The following LGI1 variants were observed in gnomAD, a reference collection of about 807,000 sequenced individuals.
LGI1 encodes the protein leucine-rich glioma-inactivated protein 1.
A neutral mutation model predicts 57.7 loss-of-function variants in LGI1; 11 were observed. The observed-to-expected ratio is 0.19, with a 90% CI of 0.12 to 0.32. The LOEUF (loss-of-function observed/expected upper bound fraction) is 0.32. Ranked by LOEUF, LGI1 falls within the 10% of genes least tolerant of loss-of-function variation. The pLI is 1.00. For synonymous variants in LGI1, 222 were observed against 241.9 expected (o/e 0.92, Z 0.76); for missense variants, 422 against 661.9 (o/e 0.64, Z 3.98).
intron 4 of LGI1, among the ~76,000 whole-genome samples, chr10:93,782,296 A>C (rs1369559946): frequency 2.0e-5 from 3 of 152,204 alleles, no homozygotes; most frequent in Non-Finnish European, 4.4e-5. Context: ...ATTTAGCTTC[A>C]CTATGCTACA....
chr10:93,777,524 AAAATATTATAACTTATTGCAGATTCATAG>A lies in LGI1; in HGVS notation c.360-18_370del. 6.2e-7 allele frequency: 1 copy of A among 1,612,492 alleles called. No homozygotes were observed. Among genetic ancestry groups the A allele is most frequent in the Non-Finnish European group, 8.5e-7 (1 of 1,178,584 alleles). The stretch of plus-strand genomic sequence containing the variant: ...TCAAGTTCCTGTAACTGTTTGACAA[AAAATATTATAACTTATTGCAGATTCATAG>A]AAAACAACAACATCAAGTCAATTTC... On this transcript the variant is annotated splice_acceptor_variant and splice_polypyrimidine_tract_variant and coding_sequence_variant and intron_variant, in exon 4 of 8. Coordinates refer to ENST00000371418, the MANE Select transcript of LGI1 (RefSeq NM_005097.4). LOFTEE classifies it high-confidence loss of function.
intron 2 of LGI1, chr10:93,765,163 C>G (rs554465563): frequency 3.3e-5 from 5 of 152,150 alleles, no homozygotes; most frequent in Non-Finnish European, 7.4e-5. Flanking sequence ...GGGTTTGAAA[C>G]TCAGTTTGGC....
rs2059804745 is a variant in LGI1, at chr10:93,777,445, G to A, written c.354G>A (p.Glu118=). 1.2e-6 allele frequency: 2 copies of A among 1,613,836 alleles called. No individual in the cohort carries two copies. The highest frequency in any genetic ancestry group is 4.5e-5 in the East Asian group (2 of 44,858). ...DDAFIGLPHL[E]YLFIENNNIK... The stretch of plus-strand genomic sequence containing the variant: ...CTTTTATTGGTCTTCCACATCTAGA[G>A]TATTTGTAAGTAAAAAAGCTTTTTT... The change falls in exon 3 of 8, where the codon GAG becomes GAA. Residue 118 remains glutamate (E), a synonymous_variant. Transcript: ENST00000371418.
chr10:93,773,342 C>G (rs1006266980), intron 2 of LGI1, among the ~76,000 whole-genome samples: 1 of 152,144 alleles, frequency 6.6e-6, no homozygotes, highest in Non-Finnish European at 1.5e-5. Context: ...AGAGGCCACC[C>G]AGTGTGTGGA....
chr10:93,796,302 A>G (rs1158535524), intron 7 of LGI1, among the ~76,000 whole-genome samples: 3 of 152,216 alleles, frequency 2.0e-5, no homozygotes, highest in African/African-American at 7.2e-5. Flanking sequence ...GAAGCAGTTC[A>G]GACTTAGAGC....
At chr10:93,763,824 T>C (rs7099790) in intron 2 of LGI1, 48,181 of 152,042 alleles carry the variant, frequency 0.32, 7,762 homozygotes, top group South Asian at 0.42. Context: ...TCACATTTGG[T>C]CTCCTTGGTT....
intron 2 of LGI1, chr10:93,765,123 A>G (rs1252695206): frequency 6.6e-6 from 1 of 152,224 alleles, no homozygotes; most frequent in Non-Finnish European, 1.5e-5. Flanking sequence ...GTAGCATAGA[A>G]AGAGGCCTAA....
intron 2 of LGI1, among the ~76,000 whole-genome samples, chr10:93,773,253 G>A (rs572909672): frequency 1.2e-4 from 18 of 152,116 alleles, no homozygotes; most frequent in Non-Finnish European, 1.5e-4. Context: ...TCTTAAATCC[G>A]TATGAGCTGA....
intron 2 of LGI1, among the ~76,000 whole-genome samples, chr10:93,766,280 G>A (rs1047350151): frequency 2.0e-5 from 3 of 152,022 alleles, no homozygotes; most frequent in African/African-American, 7.2e-5. Flanking sequence ...GTGATCAAAA[G>A]GCAATAAATC....
intron 4 of LGI1, among the ~76,000 whole-genome samples, chr10:93,782,387 G>T (rs978298596): frequency 1.3e-5 from 2 of 152,198 alleles, no homozygotes; most frequent in African/African-American, 4.8e-5. Context: ...GAGTATTAGT[G>T]CCCAAGGTTG....
intron 2 of LGI1, among the ~76,000 whole-genome samples, chr10:93,776,455 C>T (rs2019133): frequency 6.6e-5 from 10 of 151,850 alleles, no homozygotes; most frequent in African/African-American, 1.5e-4. Flanking sequence ...TAAATGTTCA[C>T]AAAGTGAGAT....
chr10:93,763,591 A>G (rs1288293414), intron 2 of LGI1: 1 of 151,984 alleles, frequency 6.6e-6, no homozygotes, highest in East Asian at 1.9e-4. Context: ...TCATGTTCAC[A>G]CTCTTTCTGA....
At chr10:93,790,046 C>T (rs1817192123) in intron 4 of LGI1, 53 bp from the exon 5 acceptor site, 1 of 1,509,828 alleles carries the variant, frequency 6.6e-7, no homozygotes, top group Admixed American at 1.8e-5. Flanking sequence ...CATTAAATGC[C>T]TTTGTTTAAT....
intron 2 of LGI1, among the ~76,000 whole-genome samples, chr10:93,761,137 T>A (rs1310028126): frequency 6.6e-6 from 1 of 152,156 alleles, no homozygotes; most frequent in African/African-American, 2.4e-5. Flanking sequence ...GAAACGATCA[T>A]AACAATTGTG....
Position 93,792,887 on chromosome 10 carries a change from G to A in LGI1, c.648G>A (p.Ser216=), listed in dbSNP as rs779577088. Residue 216 remains serine (S), a synonymous_variant, in exon 6 of 8, where the codon TCG becomes TCA. Coordinates refer to ENST00000371418, the MANE Select transcript of LGI1 (RefSeq NM_005097.4). ...AGCGCAAAATCAATAGTCTCTCCTCGAAGGATTTTGATTGCATCATTACAG... is the reference window on the plus strand; with the variant it reads ...AGCGCAAAATCAATAGTCTCTCCTCAAAGGATTTTGATTGCATCATTACAG... The part of the protein sequence containing the change: ...YKKRKINSLS[S]KDFDCIITEF... 23 of 1,613,804 alleles carry A rather than the reference G, an allele frequency of 1.4e-5. No individual in the cohort carries two copies. Among genetic ancestry groups the A allele is most frequent in the African/African-American group, 5.3e-5 (4 of 74,846 alleles).
At chr10:93,772,359 T>C (rs1447056998) in intron 2 of LGI1, among the ~76,000 whole-genome samples, 1 of 152,166 alleles carries the variant, frequency 6.6e-6, no homozygotes, top group East Asian at 1.9e-4. Context: ...ATGGTACTTT[T>C]AGAAATCTAT....
intron 4 of LGI1, 123 bp downstream of exon 4, chr10:93,777,740 C>T (rs976711423): frequency 1.4e-5 from 10 of 721,928 alleles, no homozygotes; most frequent in Non-Finnish European, 2.5e-5. Context: ...AATGACTTCT[C>T]TCCATGCACA....
At chr10:93,792,552 T>C (rs2059945935) in intron 5 of LGI1, 191 bp from the exon 6 acceptor site, 2 of 652,866 alleles carry the variant, frequency 3.1e-6, no homozygotes, top group African/African-American at 3.6e-5. Flanking sequence ...GACTGGGTAG[T>C]CTTCAAGTGT....
chr10:93,794,326 T>C (rs557813457), intron 7 of LGI1, among the ~76,000 whole-genome samples: 1 of 151,400 alleles, frequency 6.6e-6, no homozygotes, highest in East Asian at 1.9e-4. Flanking sequence ...CGGAATCTAA[T>C]TCTTTCTATG....
Sources: allele counts gnomAD v4.1 joint callset (sites outside exome capture counted in the v4.1 genomes callset), GRCh38; gene constraint gnomAD v4.1.1; transcripts MANE v1.5; gene names NCBI Gene and HGNC (gene_info 2026-07-23, HGNC 2026-07-21).